OTUD7A: variants seen among roughly 807,000 people sequenced by gnomAD.
OTUD7A encodes the protein OTU domain-containing protein 7A.
Under a neutral mutation model 65.7 loss-of-function variants are expected in OTUD7A, and 12 were observed. That is an observed-to-expected ratio of 0.18 (90% CI 0.12 to 0.30). OTUD7A has a LOEUF of 0.30. Ranked by LOEUF, OTUD7A falls within the 10% of genes least tolerant of loss-of-function variation. The pLI is 1.00. For synonymous variants in OTUD7A, 641 were observed against 586.3 expected, an observed-to-expected ratio of 1.09 and a Z score of -1.35; for missense variants, 1,148 against 1,304.8, an observed-to-expected ratio of 0.88 and a Z score of 1.85.
chr15:31,844,557 T>C (rs1242066207), intron 1 of OTUD7A, among the ~76,000 whole-genome samples: 3 of 152,240 alleles, frequency 2.0e-5, no homozygotes, highest in African/African-American at 2.4e-5. Flanking sequence ...CTGATGACAC[T>C]GGAGATGCCT....
At chr15:31,573,681 AC>A (rs1289493789) in intron 3 of OTUD7A, among the ~76,000 whole-genome samples, 1 of 152,232 alleles carries the variant, frequency 6.6e-6, no homozygotes, top group Non-Finnish European at 1.5e-5. Context: ...TAGGCAGATC[AC>A]TTGAGGTCAG....
At chr15:31,617,283 T>C (rs994248459) in intron 3 of OTUD7A, among the ~76,000 whole-genome samples, 1 of 152,086 alleles carries the variant, frequency 6.6e-6, no homozygotes, top group Non-Finnish European at 1.5e-5. Context: ...GGTCAAGAGA[T>C]TGAGACCATC....
chr15:31,500,975 AT>A (rs1404894321), intron 10 of OTUD7A, among the ~76,000 whole-genome samples: 1 of 152,278 alleles, frequency 6.6e-6, no homozygotes, highest in East Asian at 1.9e-4. Context: ...TCCAAACAAA[AT>A]CCCCCTATTT....
At chr15:31,503,487 C>G (rs1171667370) in intron 9 of OTUD7A, among the ~76,000 whole-genome samples, 3 of 152,162 alleles carry the variant, frequency 2.0e-5, no homozygotes, top group Non-Finnish European at 4.4e-5. Context: ...CTCCTGGCCA[C>G]CTGCCGTTGA....
At chr15:31,795,205 C>T (rs1418301168) in intron 1 of OTUD7A, among the ~76,000 whole-genome samples, 1 of 152,152 alleles carries the variant, frequency 6.6e-6, no homozygotes, top group African/African-American at 2.4e-5. Context: ...AGGTGAAATG[C>T]ACAGACTTTT....
At chr15:31,808,136 C>CACACACACAAAAA (rs772574742) in intron 1 of OTUD7A, among the ~76,000 whole-genome samples, 70 of 119,498 alleles carry the variant, frequency 5.9e-4, no homozygotes, top group Middle Eastern at 4.7e-3. Flanking sequence ...CACACACACA[C>CACACACACAAAAA]AAACAAATCC....
chr15:31,670,550 CAT>C (rs1260256492), intron 1 of OTUD7A, among the ~76,000 whole-genome samples: 2 of 152,218 alleles, frequency 1.3e-5, no homozygotes, highest in South Asian at 2.1e-4. Flanking sequence ...AGCTCTATTT[CAT>C]ATGTTTGTTA....
chr15:31,714,730 G>C (rs1893538991), intron 1 of OTUD7A, among the ~76,000 whole-genome samples: 2 of 152,134 alleles, frequency 1.3e-5, no homozygotes, highest in South Asian at 4.1e-4. Context: ...CTGGACATTT[G>C]CTGGTGTGCT....
chr15:31,768,612 T>C (rs1202803514), intron 1 of OTUD7A, among the ~76,000 whole-genome samples: 7 of 150,928 alleles, frequency 4.6e-5, no homozygotes, highest in African/African-American at 1.5e-4. Flanking sequence ...TGAACCGAGA[T>C]CGTGCCACTG....
At chr15:31,796,402 T>C (rs971718720) in intron 1 of OTUD7A, among the ~76,000 whole-genome samples, 2 of 152,324 alleles carry the variant, frequency 1.3e-5, no homozygotes, top group East Asian at 1.9e-4. Flanking sequence ...GATTTCCTTC[T>C]TCTTTGGGGA....
Position 31,530,609 on chromosome 15 carries a change from G to C in OTUD7A, c.652+98C>G, listed in dbSNP as rs2042073187. Reference sequence around the variant, plus strand: ...AGTGACATGGGTGACTCTATTTAGTGTATGCTTTTCCTTCAATAGTGTTTC... The same window carrying C: ...AGTGACATGGGTGACTCTATTTAGTCTATGCTTTTCCTTCAATAGTGTTTC... On this transcript the variant is annotated intron_variant, in intron 6 of 12. Transcript: ENST00000307050. 2.0e-5 allele frequency: 22 copies of C among 1,122,796 alleles called. No homozygotes were observed. The South Asian group carries it at 2.5e-4, about 13-fold the overall frequency. The allele number at this position is 1,122,796 out of a possible 1,614,324, so 69.6% of individuals were successfully genotyped here. A position where few individuals can be genotyped will look rare whatever the true frequency, so the allele number is the denominator to read the frequency against.
At chr15:31,775,633 C>T (rs141683967) in intron 1 of OTUD7A, among the ~76,000 whole-genome samples, 27 of 152,278 alleles carry the variant, frequency 1.8e-4, no homozygotes, top group African/African-American at 5.3e-4. Context: ...AGTAACAAAA[C>T]GTGATCTGTT....
intron 1 of OTUD7A, among the ~76,000 whole-genome samples, chr15:31,731,949 C>T (rs1055017361): frequency 1.3e-5 from 2 of 152,138 alleles, no homozygotes; most frequent in Non-Finnish European, 2.9e-5. Flanking sequence ...CAGACATTTC[C>T]CTTTCAGTAA....
intron 1 of OTUD7A, among the ~76,000 whole-genome samples, chr15:31,784,490 A>G (rs563643409): frequency 6.6e-6 from 1 of 152,352 alleles, no homozygotes; most frequent in South Asian, 2.1e-4. Flanking sequence ...AAAATTTTTC[A>G]TAAAAGCTTA....
intron 3 of OTUD7A, among the ~76,000 whole-genome samples, chr15:31,593,693 T>C (rs896119516): frequency 2.8e-4 from 42 of 152,136 alleles, no homozygotes; most frequent in African/African-American, 1.0e-3. Flanking sequence ...ACCAAAATGA[T>C]AGTCCAGCGG....
In OTUD7A at chr15:31,870,563, C is replaced by A; in HGVS notation, c.-156G>T. On this transcript the variant is annotated 5_prime_UTR_variant, in exon 1 of 13. Coordinates refer to ENST00000307050, the MANE Select transcript of OTUD7A (RefSeq NM_001382637.1). ...CCGCAGCGCCGCAGTCGCCGCTACCCGACTTCCATTTTCTCTCGCTTTAAA... is the reference window on the plus strand; with the variant it reads ...CCGCAGCGCCGCAGTCGCCGCTACCAGACTTCCATTTTCTCTCGCTTTAAA... The A allele has an allele frequency of 6.7e-6, 1 of 148,254 alleles. No homozygotes were observed. Among genetic ancestry groups the A allele is most frequent in the South Asian group, 1.9e-4 (1 of 5,142 alleles). 9.2% of individuals were successfully genotyped at this position (148,254 alleles called of 1,614,324 possible). A position where few individuals can be genotyped will look rare whatever the true frequency, so the allele number is the denominator to read the frequency against.
At chr15:31,580,854 C>T (rs554347836) in intron 3 of OTUD7A, among the ~76,000 whole-genome samples, 1 of 152,230 alleles carries the variant, frequency 6.6e-6, no homozygotes, top group African/African-American at 2.4e-5. Context: ...CACAGCCAAA[C>T]CATATAATTC....
At chr15:31,512,178 C>G (rs987229372) in intron 8 of OTUD7A, among the ~76,000 whole-genome samples, 1 of 152,046 alleles carries the variant, frequency 6.6e-6, no homozygotes, top group African/African-American at 2.4e-5. Context: ...GTTTTTTCCT[C>G]AATCTGTGCA....
intron 1 of OTUD7A, among the ~76,000 whole-genome samples, chr15:31,715,122 ACT>A (rs1202314322): frequency 2.0e-5 from 3 of 151,800 alleles, no homozygotes; most frequent in African/African-American, 4.8e-5. Flanking sequence ...CAACAGTGAG[ACT>A]CTGTCTCAAA....
Sources: allele counts gnomAD v4.1 joint callset (sites outside exome capture counted in the v4.1 genomes callset), GRCh38; gene constraint gnomAD v4.1.1; transcripts MANE v1.5; gene names NCBI Gene and HGNC (gene_info 2026-07-23, HGNC 2026-07-21).